TENM2: variants seen among roughly 807,000 people sequenced by gnomAD.
TENM2 encodes teneurin transmembrane protein 2, also known as teneurin-2.
A neutral mutation model predicts 245.2 loss-of-function variants in TENM2; 52 were observed. That is an observed-to-expected ratio of 0.21 (90% confidence interval 0.17 to 0.27). TENM2 has a LOEUF of 0.27. Among genes scored for constraint, TENM2 ranks in the 10% least tolerant of loss-of-function variants. The pLI, the probability that TENM2 is intolerant of heterozygous loss-of-function variation, is 1.00. For synonymous variants in TENM2, 1,363 were observed against 1,438.9 expected (o/e 0.95, Z 1.19); for missense variants, 3,046 against 3,666.8 (o/e 0.83, Z 4.37).
chr5:168,124,840 T>G lies in TENM2; in HGVS notation c.2009-10T>G, dbSNP rs753127450. The G allele has an allele frequency of 1.2e-6, 2 of 1,600,450 alleles. No homozygotes were observed. The highest frequency in any genetic ancestry group is 2.2e-5 in the East Asian group (1 of 44,630). ...TTTTATTCTTTGGTTTTTGTTTTTG[T>G]TTTTTTCAGTTGATTGCTTGGATCC... is the stretch of plus-strand genomic sequence containing the variant. On this transcript the variant is annotated splice_polypyrimidine_tract_variant and intron_variant, in intron 10 of 28. Transcript: ENST00000518659.
rs577475308 is a variant in TENM2, at chr5:167,872,402, GA to G, written c.503-3577del. Among the ~76,000 whole-genome samples, 900 of 143,494 alleles carry G rather than the reference GA, an allele frequency of 6.3e-3. 5 individuals are homozygous for G. Among genetic ancestry groups the G allele is most frequent in the South Asian group, 0.021 (92 of 4,456 alleles). 94.1% of individuals were successfully genotyped at this position (143,494 alleles called of 152,430 possible). ...GAAAAGAAAGAAGGAAAGAAAGGAAGAAAAAAAGAGAAAGAGAGAGACAGAA... is the reference window on the plus strand; with the variant it reads ...GAAAAGAAAGAAGGAAAGAAAGGAAGAAAAAAGAGAAAGAGAGAGACAGAA... On this transcript the variant is annotated intron_variant, in intron 2 of 28. Transcript: ENST00000518659.
chr5:167,713,631 C>A (rs1157881304), intron 2 of TENM2, among the ~76,000 whole-genome samples: 1 of 151,738 alleles, frequency 6.6e-6, no homozygotes, highest in Non-Finnish European at 1.5e-5. Context: ...TGCTCACATA[C>A]ATGCGCACAT....
intron 2 of TENM2, among the ~76,000 whole-genome samples, chr5:167,786,635 C>T (rs1764596000): frequency 6.6e-6 from 1 of 152,222 alleles, no homozygotes; most frequent in South Asian, 2.1e-4. Context: ...CCCCACTGAA[C>T]CTCCTGGCCT....
chr5:167,036,829 A>G, the TENM2 span, among the ~76,000 whole-genome samples: 1 of 152,082 alleles, frequency 6.6e-6, no homozygotes, highest in Non-Finnish European at 1.5e-5. Context: ...ACCTTCTCAA[A>G]TTCTTTTTTA....
intron 25 of TENM2, among the ~76,000 whole-genome samples, chr5:168,236,953 TA>T (rs1562318479): frequency 0.014 from 42 of 3,010 alleles, 10 homozygotes; most frequent in Non-Finnish European, 0.019. Flanking sequence ...TATATATATA[TA>T]TATATATATA....
rs1179237619 is a variant in TENM2, at chr5:168,247,417, A to G, written c.6478A>G (p.Ile2160Val). Reference sequence around the variant, plus strand: ...CAAACACTTCGACACCCATGGGCGGATCAAGGAGGTCCAGTATGAGATGTT... The same window carrying G: ...CAAACACTTCGACACCCATGGGCGGGTCAAGGAGGTCCAGTATGAGATGTT... The change falls in exon 27 of 29, where the codon ATC (isoleucine) becomes GTC (valine). Residue 2160 changes from isoleucine (I) to valine (V), a missense_variant. Coordinates refer to ENST00000518659, the Ensembl canonical transcript of TENM2. This position sits in a 1 kb window ranked among gnomAD's most constrained non-coding sequence, Gnocchi z 7.8. The G allele has an allele frequency of 6.2e-7, 1 of 1,613,866 alleles. No individual in the cohort carries two copies. The highest frequency in any genetic ancestry group is 8.5e-7 in the Non-Finnish European group (1 of 1,179,900).
At chr5:167,705,577 G>A (rs991370025) in intron 2 of TENM2, among the ~76,000 whole-genome samples, 1 of 152,182 alleles carries the variant, frequency 6.6e-6, no homozygotes, top group Non-Finnish European at 1.5e-5. Flanking sequence ...TTTATTGGCT[G>A]TGGTGGGGAG....
the TENM2 span, among the ~76,000 whole-genome samples, chr5:167,226,845 T>TCCA: frequency 6.6e-6 from 1 of 152,052 alleles, no homozygotes; most frequent in Admixed American, 6.5e-5. Context: ...ACATTTGTTT[T>TCCA]ATGAATCTGG....
the TENM2 span, among the ~76,000 whole-genome samples, chr5:167,187,894 C>T: frequency 6.6e-6 from 1 of 152,038 alleles, no homozygotes; most frequent in African/African-American, 2.4e-5. Context: ...CTAAAACACC[C>T]CGAGCCATAA....
the TENM2 span, among the ~76,000 whole-genome samples, chr5:167,034,188 C>T: frequency 1.3e-5 from 2 of 152,112 alleles, no homozygotes; most frequent in Non-Finnish European, 2.9e-5. Context: ...CAGAGTATAG[C>T]ATGTACGGGC....
intron 5 of TENM2, among the ~76,000 whole-genome samples, chr5:168,007,316 A>G (rs1287281530): frequency 1.3e-5 from 2 of 152,114 alleles, no homozygotes; most frequent in East Asian, 1.9e-4. Flanking sequence ...TTTAGTAGAG[A>G]CGTGGTTTCA....
chr5:167,031,726 G>A, the TENM2 span, among the ~76,000 whole-genome samples: 6 of 152,002 alleles, frequency 3.9e-5, no homozygotes, highest in East Asian at 1.9e-4. Flanking sequence ...TACCACGCCC[G>A]GCTAATTTTT....
At chr5:167,768,854 C>A (rs1162371599) in intron 2 of TENM2, among the ~76,000 whole-genome samples, 1 of 152,154 alleles carries the variant, frequency 6.6e-6, no homozygotes, top group East Asian at 1.9e-4. Flanking sequence ...ATTAGAAGTT[C>A]TCAGCCTCTG....
intron 1 of TENM2, among the ~76,000 whole-genome samples, chr5:167,340,142 C>T (rs1366993830): frequency 1.3e-5 from 2 of 152,174 alleles, no homozygotes; most frequent in Non-Finnish European, 2.9e-5. Context: ...CACTTTATAA[C>T]AAGGACACCT....
chr5:167,536,486 G>A (rs961635009), intron 2 of TENM2, among the ~76,000 whole-genome samples: 1 of 151,734 alleles, frequency 6.6e-6, no homozygotes, highest in Non-Finnish European at 1.5e-5. Flanking sequence ...TTTAAAAGTA[G>A]AAAAATCATG....
the TENM2 span, among the ~76,000 whole-genome samples, chr5:167,252,296 T>C: frequency 6.6e-6 from 1 of 152,164 alleles, no homozygotes; most frequent in Non-Finnish European, 1.5e-5. Flanking sequence ...GGGGAAATTA[T>C]TAGCTATTAG....
At chr5:168,005,339 C>G (rs1296474430) in intron 5 of TENM2, among the ~76,000 whole-genome samples, 1 of 152,002 alleles carries the variant, frequency 6.6e-6, no homozygotes, top group Non-Finnish European at 1.5e-5. Context: ...AGAATGCTGT[C>G]AAAACATGAA....
At chr5:168,198,901 G>T in exon 16 of TENM2, 1 of 1,614,038 alleles carries the variant, frequency 6.2e-7, no homozygotes, top group Non-Finnish European at 8.5e-7. Context: ...TACACTTTGA[G>T]CGAGCCCCGT....
the TENM2 span, among the ~76,000 whole-genome samples, chr5:167,143,024 A>G: frequency 7.9e-5 from 12 of 152,328 alleles, no homozygotes; most frequent in East Asian, 2.3e-3. Flanking sequence ...TTTAGTAGTC[A>G]CATGGCAGAA....
Sources: gnomAD v4.1 joint callset for allele counts (sites outside exome capture counted in the v4.1 genomes callset) on GRCh38, gnomAD v4.1.1 for gene constraint, Gnocchi (gnomAD v3.1) non-coding constraint, MANE v1.5 for transcripts, NCBI Gene and HGNC (gene_info 2026-07-23, HGNC 2026-07-21) for gene names.